Variants in CAMK1D observed in about 807,000 individuals in gnomAD.
The protein encoded by CAMK1D is calcium/calmodulin dependent protein kinase ID, also known as calcium/calmodulin-dependent protein kinase type 1D.
In CAMK1D, 9 loss-of-function variants were observed where a neutral mutation model predicts 47.7. That is an observed-to-expected ratio of 0.19 (90% CI 0.11 to 0.33). The LOEUF (loss-of-function observed/expected upper bound fraction) is 0.33, where lower values mean the gene tolerates loss of function less well. Ranked by LOEUF, CAMK1D falls within the 10% of genes least tolerant of loss-of-function variation. CAMK1D has a pLI of 1.00. For synonymous variants in CAMK1D, 184 were observed against 184.9 expected (o/e 0.99, Z 0.04); for missense variants, 291 against 488.7 (o/e 0.60, Z 3.81).
chr10:12,489,159 C>T (rs142920219), intron 1 of CAMK1D, among the ~76,000 whole-genome samples: 9,116 of 152,102 alleles, frequency 0.06, 299 homozygotes, highest in Middle Eastern at 0.078. Flanking sequence ...AGGATGGTCT[C>T]GATCCCCTGA....
At chr10:12,510,043 A>G (rs1324109419) in intron 1 of CAMK1D, among the ~76,000 whole-genome samples, 1 of 152,238 alleles carries the variant, frequency 6.6e-6, no homozygotes, top group East Asian at 1.9e-4. Context: ...GACAGAAATC[A>G]TGTAGGCAGA....
chr10:12,799,026 G>A (rs73576057), intron 6 of CAMK1D, among the ~76,000 whole-genome samples: 3,493 of 152,240 alleles, frequency 0.023, 48 homozygotes, highest in African/African-American at 0.047. Flanking sequence ...GTGGCTTCAG[G>A]CCCCATTTGT....
At chr10:12,632,975 G>C (rs1839422596) in intron 2 of CAMK1D, among the ~76,000 whole-genome samples, 1 of 152,150 alleles carries the variant, frequency 6.6e-6, no homozygotes, top group Non-Finnish European at 1.5e-5. Flanking sequence ...TTACAGGCCT[G>C]AGCCACGGCG....
At chr10:12,637,064 C>A in intron 2 of CAMK1D, among the ~76,000 whole-genome samples, 1 of 152,068 alleles carries the variant, frequency 6.6e-6, no homozygotes, top group East Asian at 1.9e-4. Context: ...CTCCACCTCC[C>A]GGGCTCAAGC....
intron 3 of CAMK1D, among the ~76,000 whole-genome samples, chr10:12,739,522 C>T (rs1835338164): frequency 6.6e-6 from 1 of 150,838 alleles, no homozygotes; most frequent in African/African-American, 2.4e-5. Flanking sequence ...AACTCCTGAC[C>T]TCGTGATCCA....
At chr10:12,642,935 CTTAAATGA>C (rs1839705747) in intron 2 of CAMK1D, among the ~76,000 whole-genome samples, 1 of 151,880 alleles carries the variant, frequency 6.6e-6, no homozygotes, top group South Asian at 2.1e-4. Context: ...TTATTTTTTT[CTTAAATGA>C]TTATGAAAAT....
intron 1 of CAMK1D, among the ~76,000 whole-genome samples, chr10:12,497,244 C>T (rs902142707): frequency 1.3e-4 from 19 of 151,986 alleles, no homozygotes; most frequent in South Asian, 8.3e-4. Flanking sequence ...TTTGGGAGGC[C>T]GAAGCCGGAG....
chr10:12,590,478 G>A (rs141800583), intron 2 of CAMK1D, among the ~76,000 whole-genome samples: 60 of 152,208 alleles, frequency 3.9e-4, no homozygotes, highest in African/African-American at 5.5e-4. Flanking sequence ...CTCCTGCCTC[G>A]GCCTCACAAA....
chr10:12,493,522 C>T (rs1162321076), intron 1 of CAMK1D, among the ~76,000 whole-genome samples: 1 of 152,084 alleles, frequency 6.6e-6, no homozygotes, highest in African/African-American at 2.4e-5. Context: ...GAGACAGAGT[C>T]TCTCTCTGTC....
chr10:12,615,173 A>T (rs1198167040), intron 2 of CAMK1D, among the ~76,000 whole-genome samples: 1 of 152,120 alleles, frequency 6.6e-6, no homozygotes, highest in African/African-American at 2.4e-5. Context: ...GAATTGGTGG[A>T]GTTAGGTGAG....
At chr10:12,791,820 T>C (rs1837993125) in intron 6 of CAMK1D, among the ~76,000 whole-genome samples, 1 of 152,222 alleles carries the variant, frequency 6.6e-6, no homozygotes, top group Non-Finnish European at 1.5e-5. Flanking sequence ...TTCACTTCTT[T>C]GGGGTTTCTA....
Position 12,547,400 on chromosome 10 carries a change from G to A in CAMK1D, c.93-5825G>A, listed in dbSNP as rs138920218. Among the ~76,000 whole-genome samples the A allele has an allele frequency of 3.4e-3, 511 of 152,296 alleles. 3 individuals are homozygous for A. Among genetic ancestry groups the A allele is most frequent in the African/African-American group, 0.011 (473 of 41,574 alleles). ...AGCTGTGCCCAGACGACAGTTTCAG[G>A]TTGCCAATATGATTCAGTCTGGCTG... is the stretch of plus-strand genomic sequence containing the variant. On this transcript the variant is annotated intron_variant, in intron 1 of 10. Transcript: ENST00000619168.
chr10:12,578,638 C>G (rs545869408), intron 2 of CAMK1D: 89 of 149,504 alleles, frequency 6.0e-4, no homozygotes, highest in Middle Eastern at 3.2e-3. Flanking sequence ...TGGTCTTGAA[C>G]TTCTGGGCTC....
chr10:12,693,658 T>C (rs542810070), intron 3 of CAMK1D, among the ~76,000 whole-genome samples: 1 of 150,958 alleles, frequency 6.6e-6, no homozygotes, highest in East Asian at 2.0e-4. Flanking sequence ...TCTGCCTGAG[T>C]TTCCAGCCTA....
At chr10:12,357,587 A>T (rs1019221576) in intron 1 of CAMK1D, among the ~76,000 whole-genome samples, 16 of 152,176 alleles carry the variant, frequency 1.1e-4, no homozygotes, top group African/African-American at 3.9e-4. Flanking sequence ...AAGTGGTGGG[A>T]TTACAGGCAT....
At chr10:12,540,693 G>C (rs76577287) in intron 1 of CAMK1D, among the ~76,000 whole-genome samples, 1 of 152,288 alleles carries the variant, frequency 6.6e-6, no homozygotes, top group Non-Finnish European at 1.5e-5. Flanking sequence ...TAATCGTGTG[G>C]GTATTTAAGA....
intron 6 of CAMK1D, among the ~76,000 whole-genome samples, chr10:12,807,971 A>G (rs1838811300): frequency 6.6e-6 from 1 of 152,184 alleles, no homozygotes; most frequent in South Asian, 2.1e-4. Context: ...AGGGTGGGGA[A>G]TACAGCCCTG....
At chr10:12,761,113 G>A in intron 4 of CAMK1D, 27 bp downstream of exon 4, 2 of 1,607,238 alleles carry the variant, frequency 1.2e-6, no homozygotes, top group East Asian at 4.5e-5. Context: ...GCAGCATCCT[G>A]CAGCCACTCT....
chr10:12,615,649 G>A (rs1406471700), intron 2 of CAMK1D, among the ~76,000 whole-genome samples: 1 of 146,246 alleles, frequency 6.8e-6, no homozygotes, highest in Non-Finnish European at 1.5e-5. Context: ...GTTTGTACAG[G>A]TATGTGTTTA....
Sources: gnomAD v4.1 joint callset for allele counts (sites outside exome capture counted in the v4.1 genomes callset) on GRCh38, gnomAD v4.1.1 for gene constraint, MANE v1.5 for transcripts, NCBI Gene and HGNC (gene_info 2026-07-23, HGNC 2026-07-21) for gene names.